The following GOLM2 variants were observed in gnomAD, a reference collection of about 807,000 sequenced individuals.
GOLM2 encodes the protein protein GOLM2.
Under a neutral mutation model 55.9 loss-of-function variants are expected in GOLM2, and 26 were observed. The observed-to-expected ratio is 0.47, with a 90% CI of 0.34 to 0.65. The LOEUF (loss-of-function observed/expected upper bound fraction) is 0.65. Ranked by LOEUF, GOLM2 falls within the 30% of genes least tolerant of loss-of-function variation. The pLI is 0.01. For synonymous variants in GOLM2, 165 were observed against 194.6 expected (o/e 0.85, Z 1.27); for missense variants, 486 against 531.8 (o/e 0.91, Z 0.85).
At chr15:44,403,079 C>T in intron 9 of GOLM2, 25 bp downstream of exon 9, 1 of 1,613,438 alleles carries the variant, frequency 6.2e-7, no homozygotes, top group Non-Finnish European at 8.5e-7. Flanking sequence ...GGCCTCCATG[C>T]TATAACCATG....
Position 44,380,988 on chromosome 15 carries a change from T to G in GOLM2, c.1072+12T>G. 6.6e-7 allele frequency: 1 copy of G among 1,514,250 alleles called. No individual in the cohort carries two copies. The highest frequency in any genetic ancestry group is 1.3e-5 in the South Asian group (1 of 74,986). The allele number at this position is 1,514,250 out of a possible 1,614,324, so 93.8% of individuals were successfully genotyped here. ...TAAATTGAAGCAAAGTAAGAATCAA[T>G]TGATGAATATTATGCTAAAAATATT... On this transcript the variant is annotated intron_variant, in intron 8 of 9. Transcript: ENST00000299957.
In GOLM2 at chr15:44,327,595, T is replaced by G. The variant is rs7177062; in HGVS notation, c.383-1090T>G. ...GTTGCTTATACAGTATAGGCCCCTG[T>G]TTTCATTTCTAAAAATTATCTTAAT... On this transcript the variant is annotated intron_variant, in intron 2 of 9. Transcript: ENST00000299957. 1.3e-3 allele frequency among the ~76,000 whole-genome samples: 200 copies of G among 152,234 alleles called. 1 individual carries two copies. Among genetic ancestry groups the G allele is most frequent in the African/African-American group, 4.6e-3 (191 of 41,530 alleles).
At chr15:44,296,323 A>G (rs1269443002) in intron 1 of GOLM2, among the ~76,000 whole-genome samples, 1 of 152,108 alleles carries the variant, frequency 6.6e-6, no homozygotes, top group Admixed American at 6.6e-5. Context: ...GAATGTAGAA[A>G]AAGTCCTCAA....
rs778318372 is a variant in GOLM2 at position 44,289,289 on chromosome 15, A to T, written c.260A>T (p.Asp87Val). The T allele has an allele frequency of 1.2e-6, 2 of 1,613,228 alleles. No individual in the cohort carries two copies. The highest frequency in any genetic ancestry group is 1.7e-5 in the Admixed American group (1 of 59,906). ...HKKQIDQKEA[D>V]YGRLSSRLQA... Reference sequence around the variant, plus strand: ...AAACAGATCGACCAGAAGGAGGCCGACTACGGCCGCCTCAGCAGCCGGCTG... The same window carrying T: ...AAACAGATCGACCAGAAGGAGGCCGTCTACGGCCGCCTCAGCAGCCGGCTG... Residue 87 changes from aspartate to valine, a missense_variant, in exon 1 of 10, where the codon GAC (aspartate) becomes GTC (valine). Physicochemically the swap from Asp to Val is radical, Grantham distance 152. Transcript: ENST00000299957. This position sits in a 1 kb window ranked among gnomAD's most constrained non-coding sequence, Gnocchi z 4.8.
chr15:44,359,051 G>A (rs2079217183), intron 6 of GOLM2, among the ~76,000 whole-genome samples: 1 of 152,018 alleles, frequency 6.6e-6, no homozygotes, highest in African/African-American at 2.4e-5. Flanking sequence ...TAGGGAGGCT[G>A]AGGCAGGAGA....
intron 1 of GOLM2, among the ~76,000 whole-genome samples, chr15:44,298,741 A>G (rs954660123): frequency 1.3e-5 from 2 of 152,094 alleles, no homozygotes; most frequent in African/African-American, 2.4e-5. Flanking sequence ...TGCGGGAAAA[A>G]TTGTTCTTAG....
At chr15:44,293,676 A>G (rs1198796641) in intron 1 of GOLM2, among the ~76,000 whole-genome samples, 3 of 152,240 alleles carry the variant, frequency 2.0e-5, no homozygotes, top group Non-Finnish European at 4.4e-5. Context: ...TCAACACATC[A>G]TAACATGGGT....
intron 6 of GOLM2, among the ~76,000 whole-genome samples, chr15:44,376,538 G>T (rs1207423300): frequency 1.3e-5 from 2 of 152,158 alleles, no homozygotes; most frequent in African/African-American, 4.8e-5. Context: ...ATGAGACACT[G>T]TGCTCAATCT....
In GOLM2 at chr15:44,347,919, G is replaced by C. The variant is rs900997650; in HGVS notation, c.802+9602G>C. On this transcript the variant is annotated intron_variant, in intron 6 of 9. Transcript: ENST00000299957. ...GTAGAGTTGTGAGACCCCTATTCCA[G>C]GCCCTAGATGCCTATAGTGTCTAGA... Among the ~76,000 whole-genome samples, 4 of 152,144 alleles carry C rather than the reference G, an allele frequency of 2.6e-5. No individual in the cohort carries two copies. The East Asian group carries it at 7.7e-4, about 29-fold the overall frequency.
In GOLM2 at chr15:44,408,813, A is replaced by G. The variant is rs1177057574; in HGVS notation, c.1241-4523A>G. Among the ~76,000 whole-genome samples, 9 of 152,254 alleles carry G rather than the reference A, an allele frequency of 5.9e-5. No individual in the cohort carries two copies. The South Asian group carries it at 1.9e-3, about 32-fold the overall frequency. ...CGTCTCTACTAAAAATACAAAAAAA[A>G]TTCAGCCCGGAGTGGCGGCGGGAGC... On this transcript the variant is annotated intron_variant, in intron 9 of 9. Coordinates refer to ENST00000299957, the MANE Select transcript of GOLM2 (RefSeq NM_138423.4).
intron 6 of GOLM2, among the ~76,000 whole-genome samples, chr15:44,346,427 T>C (rs961940249): frequency 1.3e-5 from 2 of 152,220 alleles, no homozygotes; most frequent in African/African-American, 4.8e-5. Flanking sequence ...TTACATTATG[T>C]AGCTAAGGCA....
intron 9 of GOLM2, among the ~76,000 whole-genome samples, chr15:44,409,279 G>A (rs2079618947): frequency 6.9e-6 from 1 of 145,352 alleles, no homozygotes. Context: ...GCAAGACTCC[G>A]TCTCAAAAAA....
chr15:44,382,920 CAAAAAAA>C (rs748415327), intron 8 of GOLM2, among the ~76,000 whole-genome samples: 17 of 57,654 alleles, frequency 2.9e-4, no homozygotes. Context: ...GAGACTCTGT[CAAAAAAA>C]AAAAAAAAAA....
intron 6 of GOLM2, among the ~76,000 whole-genome samples, chr15:44,370,973 C>T (rs76897131): frequency 0.014 from 2,065 of 152,302 alleles, 22 homozygotes; most frequent in Middle Eastern, 0.031. Context: ...TCTGTTATTT[C>T]TGTTCAGCTC....
intron 2 of GOLM2, among the ~76,000 whole-genome samples, chr15:44,326,254 ACT>A (rs1336905555): frequency 6.8e-6 from 1 of 146,582 alleles, no homozygotes; most frequent in Non-Finnish European, 1.5e-5. Flanking sequence ...AGAGCTAGAG[ACT>A]CTGTCTCAAA....
chr15:44,401,172 C>A (rs1021140877), intron 8 of GOLM2, among the ~76,000 whole-genome samples: 2 of 152,066 alleles, frequency 1.3e-5, no homozygotes, highest in African/African-American at 4.8e-5. Flanking sequence ...GGTGCAGTGG[C>A]ACAATCTTAG....
Position 44,302,212 on chromosome 15 carries a change from T to C in GOLM2, c.327+12856T>C, listed in dbSNP as rs1318210616. 3.3e-5 allele frequency among the ~76,000 whole-genome samples: 5 copies of C among 151,502 alleles called. No homozygotes were observed. The East Asian group carries it at 9.8e-4, about 30-fold the overall frequency. ...CAGGCTGGAGTGCAGTGTCACGATC[T>C]TGGCTCACTGCAACCTCTGTCTCAT... On this transcript the variant is annotated intron_variant, in intron 1 of 9. Transcript: ENST00000299957.
intron 9 of GOLM2, among the ~76,000 whole-genome samples, chr15:44,407,187 C>A (rs2079602915): frequency 1.4e-5 from 2 of 142,318 alleles, no homozygotes; most frequent in African/African-American, 5.1e-5. Context: ...TAACATATTT[C>A]TATTATATAT....
At chr15:44,410,764 A>G (rs1003675051) in intron 9 of GOLM2, among the ~76,000 whole-genome samples, 7 of 150,984 alleles carry the variant, frequency 4.6e-5, no homozygotes, top group African/African-American at 1.5e-4. Flanking sequence ...TTAGCTGGGC[A>G]TGTGGTGTGT....
Sources: gnomAD v4.1 joint callset for allele counts (sites outside exome capture counted in the v4.1 genomes callset) on GRCh38, gnomAD v4.1.1 for gene constraint, Gnocchi (gnomAD v3.1) non-coding constraint, MANE v1.5 for transcripts, NCBI Gene and HGNC (gene_info 2026-07-23, HGNC 2026-07-21) for gene names.